ZMAT4: variants seen among roughly 807,000 people sequenced by gnomAD.
The protein encoded by ZMAT4 is zinc finger matrin-type protein 4.
Under a neutral mutation model 28.7 loss-of-function variants are expected in ZMAT4, and 17 were observed. The observed-to-expected ratio is 0.59, with a 90% CI of 0.41 to 0.89. The LOEUF is 0.89. ZMAT4 is among the 40% of genes least tolerant of loss of function. ZMAT4 has a pLI of 0.00. For missense variants in ZMAT4, 240 were observed against 283.8 expected, an observed-to-expected ratio of 0.85 and a Z score of 1.11; for synonymous variants, 117 against 109.2, an observed-to-expected ratio of 1.07 and a Z score of -0.44.
chr8:40,840,486 T>C (rs550333005), intron 1 of ZMAT4, among the ~76,000 whole-genome samples: 3 of 152,264 alleles, frequency 2.0e-5, no homozygotes, highest in South Asian at 4.1e-4. Flanking sequence ...GCAAAGTCTC[T>C]TCCCTGGCAA....
chr8:40,846,657 T>C (rs1036977956), intron 1 of ZMAT4, among the ~76,000 whole-genome samples: 4 of 152,176 alleles, frequency 2.6e-5, no homozygotes. Context: ...TCTTTCCAGG[T>C]TGAGACTGAC....
chr8:40,832,783 C>T (rs1470221346), intron 1 of ZMAT4, among the ~76,000 whole-genome samples: 1 of 152,154 alleles, frequency 6.6e-6, no homozygotes, highest in Non-Finnish European at 1.5e-5. Context: ...AATTATTCCT[C>T]TCAAAAAAGC....
At chr8:40,633,203 A>C (rs777539788) in intron 5 of ZMAT4, among the ~76,000 whole-genome samples, 1 of 152,178 alleles carries the variant, frequency 6.6e-6, no homozygotes, top group Non-Finnish European at 1.5e-5. Flanking sequence ...TGTTGTCTAG[A>C]ATGTAAATTT....
intron 2 of ZMAT4, among the ~76,000 whole-genome samples, chr8:40,821,372 G>A (rs1479138188): frequency 6.6e-6 from 1 of 151,946 alleles, no homozygotes; most frequent in East Asian, 1.9e-4. Flanking sequence ...CAGACTATTC[G>A]TCCAGTGAAT....
In ZMAT4 at chr8:40,697,105, A is replaced by T; in HGVS notation, c.349+140T>A. The T allele has an allele frequency of 6.0e-6, 6 of 1,008,134 alleles. No individual in the cohort carries two copies. In the East Asian group the frequency reaches 1.5e-4, roughly 26 times the overall value. The allele number at this position is 1,008,134 out of a possible 1,614,324, so 62.4% of individuals were successfully genotyped here. On this transcript the variant is annotated intron_variant, in intron 4 of 6. Transcript: ENST00000297737. ...ACAGCCAGGTCTGCTGAGGTCAGCC[A>T]CTCATCCCTTTAGGCTTTGAATGAC...
intron 6 of ZMAT4, among the ~76,000 whole-genome samples, chr8:40,567,565 T>G (rs1001026092): frequency 5.3e-5 from 8 of 151,900 alleles, no homozygotes; most frequent in Admixed American, 1.3e-4. Context: ...ACCCTGTCCC[T>G]ACTAAAAATA....
chr8:40,824,568 G>A (rs183595686), intron 2 of ZMAT4, among the ~76,000 whole-genome samples: 57 of 143,944 alleles, frequency 4.0e-4, no homozygotes, highest in East Asian at 2.5e-3. Flanking sequence ...TTGGGATGCC[G>A]CAGCACTCCA....
chr8:40,836,771 C>G (rs765228793), intron 1 of ZMAT4, among the ~76,000 whole-genome samples: 1 of 152,140 alleles, frequency 6.6e-6, no homozygotes, highest in East Asian at 1.9e-4. Flanking sequence ...GTTGGGGAGA[C>G]AGAAGGGATG....
At chr8:40,852,016 C>T (rs1817127409) in intron 1 of ZMAT4, among the ~76,000 whole-genome samples, 1 of 152,158 alleles carries the variant, frequency 6.6e-6, no homozygotes, top group Admixed American at 6.5e-5. Flanking sequence ...CATGCCTCAG[C>T]CTCCCAAGTA....
intron 1 of ZMAT4, among the ~76,000 whole-genome samples, chr8:40,889,058 G>C (rs1446910425): frequency 6.6e-6 from 1 of 152,198 alleles, no homozygotes; most frequent in African/African-American, 2.4e-5. Context: ...TTGTGACCCT[G>C]ACCAAGACAG....
chr8:40,630,078 C>T (rs1806518907), intron 5 of ZMAT4, among the ~76,000 whole-genome samples: 1 of 152,128 alleles, frequency 6.6e-6, no homozygotes, highest in Non-Finnish European at 1.5e-5. Flanking sequence ...CTCCACAGGG[C>T]AGGTTCTATA....
chr8:40,835,398 T>C (rs1166846275), intron 1 of ZMAT4, among the ~76,000 whole-genome samples: 4 of 152,094 alleles, frequency 2.6e-5, no homozygotes, highest in African/African-American at 4.8e-5. Context: ...GCTCCTACCC[T>C]CCCCTCACTC....
intron 3 of ZMAT4, among the ~76,000 whole-genome samples, chr8:40,706,726 T>C (rs1050779245): frequency 5.3e-5 from 8 of 152,184 alleles, no homozygotes; most frequent in African/African-American, 1.9e-4. Flanking sequence ...AGCAAATTGA[T>C]TTTTTTCAAG....
intron 4 of ZMAT4, among the ~76,000 whole-genome samples, chr8:40,685,230 C>A (rs1647423845): frequency 6.6e-6 from 1 of 152,058 alleles, no homozygotes; most frequent in African/African-American, 2.4e-5. Flanking sequence ...CAAGTCCCTC[C>A]CATCACCAAG....
At chr8:40,756,363 T>C (rs967042017) in intron 3 of ZMAT4, among the ~76,000 whole-genome samples, 5 of 144,050 alleles carry the variant, frequency 3.5e-5, no homozygotes, top group African/African-American at 1.3e-4. Flanking sequence ...ACAGCAACAC[T>C]TATCAAAATT....
chr8:40,710,398 C>T (rs1278314013), intron 3 of ZMAT4, among the ~76,000 whole-genome samples: 1 of 152,120 alleles, frequency 6.6e-6, no homozygotes, highest in East Asian at 1.9e-4. Flanking sequence ...AAAGAGTGAG[C>T]AGATGGCATA....
chr8:40,642,649 G>C (rs1463507642), intron 5 of ZMAT4, among the ~76,000 whole-genome samples: 1 of 152,174 alleles, frequency 6.6e-6, no homozygotes, highest in African/African-American at 2.4e-5. Context: ...CTCTTCCCTA[G>C]AAAAGCTATC....
intron 5 of ZMAT4, among the ~76,000 whole-genome samples, chr8:40,653,235 A>T (rs1308495545): frequency 6.6e-6 from 1 of 152,138 alleles, no homozygotes; most frequent in East Asian, 1.9e-4. Context: ...ATCCAAACTT[A>T]CAGGATGCAG....
At chr8:40,788,757 G>A in intron 2 of ZMAT4, among the ~76,000 whole-genome samples, 2 of 144,842 alleles carry the variant, frequency 1.4e-5, no homozygotes, top group East Asian at 2.0e-4. Flanking sequence ...CAAAAACAAG[G>A]ACATTACAAG....
Sources: allele counts gnomAD v4.1 joint callset (sites outside exome capture counted in the v4.1 genomes callset), GRCh38; gene constraint gnomAD v4.1.1; transcripts MANE v1.5; gene names NCBI Gene and HGNC (gene_info 2026-07-23, HGNC 2026-07-21).